The following RBFOX1 variants were observed in gnomAD, a reference collection of about 807,000 sequenced individuals.
RBFOX1 encodes RNA binding protein fox-1 homolog 1.
RBFOX1 carries 8 observed loss-of-function variants against 57.7 expected under a neutral mutation model. The observed-to-expected ratio is 0.14, with a 90% CI of 0.08 to 0.25. The LOEUF (loss-of-function observed/expected upper bound fraction) is 0.25. RBFOX1 is among the 10% of genes least tolerant of loss of function. The pLI is 1.00. For synonymous variants in RBFOX1, 326 were observed against 222.4 expected, an observed-to-expected ratio of 1.47 and a Z score of -4.15; for missense variants, 611 against 548.5, an observed-to-expected ratio of 1.11 and a Z score of -1.14.
chr16:7,394,450 G>T (rs761343785), intron 4 of RBFOX1, among the ~76,000 whole-genome samples: 3 of 151,976 alleles, frequency 2.0e-5, no homozygotes, highest in Admixed American at 2.0e-4. Flanking sequence ...TGGGGAACAG[G>T]ATTTTATTAA....
At chr16:5,555,071 A>G (rs1489359399) in intron 2 of RBFOX1, among the ~76,000 whole-genome samples, 1 of 151,590 alleles carries the variant, frequency 6.6e-6, no homozygotes, top group African/African-American at 2.4e-5. Context: ...TAATAAATGT[A>G]CTCTTTTGTG....
intron 4 of RBFOX1, among the ~76,000 whole-genome samples, chr16:5,996,768 A>G (rs776740865): frequency 6.6e-6 from 1 of 152,162 alleles, no homozygotes. Flanking sequence ...AATCTGGGGA[A>G]TAAATATTCC....
intron 4 of RBFOX1, among the ~76,000 whole-genome samples, chr16:7,363,990 T>TG (rs1333918291): frequency 6.6e-6 from 1 of 152,164 alleles, no homozygotes; most frequent in Non-Finnish European, 1.5e-5. Context: ...GAAATATTTT[T>TG]GAACAGGAAG....
intron 1 of RBFOX1, among the ~76,000 whole-genome samples, chr16:5,365,360 A>T (rs1177335061): frequency 1.3e-5 from 2 of 152,112 alleles, no homozygotes; most frequent in South Asian, 2.1e-4. Context: ...AAGTCTAAAG[A>T]TCCTGGCATT....
chr16:6,957,896 C>T (rs529353343), intron 3 of RBFOX1, among the ~76,000 whole-genome samples: 13 of 152,262 alleles, frequency 8.5e-5, no homozygotes, highest in African/African-American at 1.9e-4. Flanking sequence ...TAAATGGCCC[C>T]TCCCTTTTCC....
intron 2 of RBFOX1, among the ~76,000 whole-genome samples, chr16:6,394,908 G>C (rs1008348993): frequency 6.6e-6 from 1 of 152,110 alleles, no homozygotes; most frequent in Non-Finnish European, 1.5e-5. Context: ...ACTATTAAGC[G>C]TGTTACTGTT....
intron 2 of RBFOX1, among the ~76,000 whole-genome samples, chr16:5,516,071 C>G (rs1031402015): frequency 2.0e-5 from 3 of 152,180 alleles, no homozygotes; most frequent in Non-Finnish European, 4.4e-5. Context: ...AGTGAATATT[C>G]CCGCTTCTGG....
chr16:6,725,388 G>A (rs561444418), intron 3 of RBFOX1, among the ~76,000 whole-genome samples: 6 of 152,122 alleles, frequency 3.9e-5, no homozygotes, highest in South Asian at 4.2e-4. Context: ...TTTTACCAAC[G>A]AGGTCTTTGT....
At chr16:5,506,385 C>T (rs922626694) in intron 2 of RBFOX1, among the ~76,000 whole-genome samples, 1 of 152,212 alleles carries the variant, frequency 6.6e-6, no homozygotes, top group South Asian at 2.1e-4. Context: ...TCTCTGACTC[C>T]GTGGACTCTA....
intron 2 of RBFOX1, among the ~76,000 whole-genome samples, chr16:5,564,186 A>G (rs2045983333): frequency 6.9e-6 from 1 of 145,946 alleles, no homozygotes; most frequent in Non-Finnish European, 1.5e-5. Flanking sequence ...TAATTTTTGT[A>G]TTTTTTTTTT....
intron 14 of RBFOX1, among the ~76,000 whole-genome samples, chr16:7,691,453 A>T (rs2077312784): frequency 6.6e-6 from 1 of 151,864 alleles, no homozygotes; most frequent in South Asian, 2.1e-4. Flanking sequence ...GGAAAGGAGA[A>T]AAGGAAGGAA....
At chr16:5,515,232 C>G (rs4073249) in intron 2 of RBFOX1, among the ~76,000 whole-genome samples, 88,116 of 152,212 alleles carry the variant, frequency 0.58, 27,926 homozygotes, top group African/African-American at 0.85. Context: ...GTGGCCTGTG[C>G]CTACTGTCAG....
intron 1 of RBFOX1, among the ~76,000 whole-genome samples, chr16:5,254,334 C>T (rs1336840286): frequency 1.3e-5 from 2 of 152,116 alleles, no homozygotes; most frequent in Non-Finnish European, 2.9e-5. Context: ...GACAGGTGTA[C>T]CCAGAATCCC....
intron 3 of RBFOX1, among the ~76,000 whole-genome samples, chr16:5,779,439 C>T (rs7198618): frequency 0.27 from 41,768 of 152,098 alleles, 6,197 homozygotes; most frequent in East Asian, 0.56. Context: ...CATAAAAACG[C>T]ATTTCTTTCT....
chr16:6,918,518 C>T (rs745652237), intron 3 of RBFOX1, among the ~76,000 whole-genome samples: 1 of 152,102 alleles, frequency 6.6e-6, no homozygotes, highest in Non-Finnish European at 1.5e-5. Context: ...GGCCCTAATT[C>T]ATAACTTTCA....
intron 3 of RBFOX1, among the ~76,000 whole-genome samples, chr16:6,795,359 C>T (rs780163155): frequency 2.1e-4 from 32 of 152,042 alleles, no homozygotes; most frequent in East Asian, 9.7e-4. Flanking sequence ...GCATTTCACC[C>T]GAGTCCACAA....
intron 1 of RBFOX1, among the ~76,000 whole-genome samples, chr16:6,255,524 C>A (rs9940343): frequency 1.5e-3 from 234 of 152,032 alleles, no homozygotes; most frequent in African/African-American, 5.6e-3. Context: ...CCAAGAGGAC[C>A]CCTCCTCATA....
intron 1 of RBFOX1, among the ~76,000 whole-genome samples, chr16:5,448,836 A>T (rs914345862): frequency 6.6e-6 from 1 of 152,212 alleles, no homozygotes; most frequent in Admixed American, 6.5e-5. Flanking sequence ...GGAGGAAAGC[A>T]GATAAAGATC....
chr16:6,746,190 A>T (rs1377924589), intron 3 of RBFOX1, among the ~76,000 whole-genome samples: 3 of 152,146 alleles, frequency 2.0e-5, no homozygotes, highest in Admixed American at 2.0e-4. Flanking sequence ...AGTCTCCCCT[A>T]ATTGATCTGT....
Sources: allele counts gnomAD v4.1 joint callset (sites outside exome capture counted in the v4.1 genomes callset), GRCh38; gene constraint gnomAD v4.1.1; transcripts MANE v1.5; gene names NCBI Gene and HGNC (gene_info 2026-07-23, HGNC 2026-07-21).